IGF1R: variants seen among roughly 807,000 people sequenced by gnomAD.
The protein encoded by IGF1R is insulin like growth factor 1 receptor, also known as insulin-like growth factor 1 receptor.
IGF1R carries 44 observed loss-of-function variants against 144.6 expected under a neutral mutation model. The observed-to-expected ratio is 0.30, with a 90% CI of 0.24 to 0.39. The LOEUF is 0.39. IGF1R is among the 10% of genes least tolerant of loss of function. The pLI is 1.00. For missense variants in IGF1R, 1,355 were observed against 1,833.7 expected, an observed-to-expected ratio of 0.74 and a Z score of 4.77; for synonymous variants, 795 against 722.8, an observed-to-expected ratio of 1.10 and a Z score of -1.60.
chr15:98,929,021 A>T (rs1412280309), intron 13 of IGF1R, among the ~76,000 whole-genome samples: 1 of 152,170 alleles, frequency 6.6e-6, no homozygotes, highest in Non-Finnish European at 1.5e-5. Flanking sequence ...AAGAATTTCT[A>T]TTCATTTTAT....
chr15:98,718,549 C>T (rs1476531440), intron 2 of IGF1R, among the ~76,000 whole-genome samples: 1 of 152,182 alleles, frequency 6.6e-6, no homozygotes, highest in African/African-American at 2.4e-5. Context: ...GCTGGCCCAC[C>T]CTGAGCTGCT....
chr15:98,759,961 C>T (rs114666956), intron 2 of IGF1R, among the ~76,000 whole-genome samples: 1 of 152,186 alleles, frequency 6.6e-6, no homozygotes, highest in East Asian at 1.9e-4. Flanking sequence ...CAGACAGAGC[C>T]ACTGCCTTTG....
intron 2 of IGF1R, among the ~76,000 whole-genome samples, chr15:98,716,618 A>G (rs939848845): frequency 2.6e-5 from 4 of 152,180 alleles, no homozygotes; most frequent in Non-Finnish European, 5.9e-5. Context: ...GTCTTTGGAA[A>G]AGTAGCTCAC....
rs1255334974 is a variant in IGF1R at position 98,649,487 on chromosome 15, G to C, written c.-95G>C. 1.1e-6 allele frequency: 1 copy of C among 878,478 alleles called. No homozygotes were observed. The highest frequency in any genetic ancestry group is 1.8e-6 in the Non-Finnish European group (1 of 557,178). 54.4% of individuals were successfully genotyped at this position (878,478 alleles called of 1,614,324 possible). On this transcript the variant is annotated 5_prime_UTR_variant, in exon 1 of 21. Coordinates refer to ENST00000650285, the MANE Select transcript of IGF1R (RefSeq NM_000875.5). ...GAGGGGGAGCGAAGACTGAGTTTGA[G>C]ACTTGTTTCCTTTCATTTCCTTTTT...
chr15:98,863,844 T>A (rs1253366079), intron 2 of IGF1R, among the ~76,000 whole-genome samples: 3 of 152,230 alleles, frequency 2.0e-5, no homozygotes, highest in Admixed American at 2.0e-4. Context: ...GCCCAGATGC[T>A]TGAGATGGGT....
At chr15:98,668,851 G>A (rs28411710) in intron 1 of IGF1R, among the ~76,000 whole-genome samples, 1 of 152,074 alleles carries the variant, frequency 6.6e-6, no homozygotes, top group Non-Finnish European at 1.5e-5. Context: ...GAGTTGGAAG[G>A]GGCTGCCACA....
chr15:98,902,547 A>G (rs896005844), intron 5 of IGF1R, among the ~76,000 whole-genome samples: 16 of 149,538 alleles, frequency 1.1e-4, no homozygotes, highest in African/African-American at 4.0e-4. Flanking sequence ...CCTCCTGAAT[A>G]GCTGGGATTA....
In IGF1R at chr15:98,960,894, C is replaced by G. The variant is rs1322635379; in HGVS notation, c.*3452C>G. The G allele has an allele frequency of 4.3e-6, 1 of 233,424 alleles. No homozygotes were observed. Among genetic ancestry groups the G allele is most frequent in the African/African-American group, 2.2e-5 (1 of 45,064 alleles). 14.5% of individuals were successfully genotyped at this position (233,424 alleles called of 1,614,324 possible). On this transcript the variant is annotated 3_prime_UTR_variant, in exon 21 of 21. Coordinates refer to ENST00000650285, the MANE Select transcript of IGF1R (RefSeq NM_000875.5). ...AAGCCCAGTGGCCGGCGCCGAGGCT[C>G]GTGGCGTCACGCCCCCCCCGCCAGG... is the stretch of plus-strand genomic sequence containing the variant.
intron 2 of IGF1R, among the ~76,000 whole-genome samples, chr15:98,838,900 C>T (rs927120862): frequency 3.3e-5 from 5 of 152,196 alleles, no homozygotes; most frequent in East Asian, 1.9e-4. Context: ...CAGTGGGAGA[C>T]GTGGGGATCC....
rs10581900 is a variant in IGF1R at position 98,701,324 on chromosome 15, A to AT, written c.95-6208dup. On this transcript the variant is annotated intron_variant, in intron 1 of 20. Coordinates refer to ENST00000650285, the MANE Select transcript of IGF1R (RefSeq NM_000875.5). ...TCCAACTATAAGCTAAGCCTATCTC[A>AT]TTTTTTTTTTTTTTTTTTTTTTTTT... 2.6e-4 allele frequency among the ~76,000 whole-genome samples: 19 copies of AT among 72,998 alleles called. 2 individuals carry two copies. Among genetic ancestry groups the AT allele is most frequent in the African/African-American group, 8.2e-4 (13 of 15,898 alleles). 47.9% of individuals were successfully genotyped at this position (72,998 alleles called of 152,430 possible). A position where few individuals can be genotyped will look rare whatever the true frequency, so the allele number is the denominator to read the frequency against.
In IGF1R at chr15:98,868,327, CAAAA is replaced by C. The variant is rs55905905; in HGVS notation, c.641-22984_641-22981del. Among the ~76,000 whole-genome samples the C allele has an allele frequency of 4.6e-3, 229 of 49,872 alleles. 4 individuals carry two copies. Among genetic ancestry groups the C allele is most frequent in the African/African-American group, 0.015 (215 of 14,266 alleles). The allele number at this position is 49,872 out of a possible 152,430, so 32.7% of individuals were successfully genotyped here. On this transcript the variant is annotated intron_variant, in intron 2 of 20. Coordinates refer to ENST00000650285, the MANE Select transcript of IGF1R (RefSeq NM_000875.5). ...GGACAACAGAGTAAGACCTTGTCTC[CAAAA>C]AAAAAAAAAAAAAGCCAAATCTGTT...
chr15:98,651,258 A>T (rs2052358114), intron 1 of IGF1R, among the ~76,000 whole-genome samples: 1 of 152,202 alleles, frequency 6.6e-6, no homozygotes, highest in Admixed American at 6.5e-5. Flanking sequence ...CTGGTAAGAA[A>T]TGAGTCCGCG....
intron 2 of IGF1R, among the ~76,000 whole-genome samples, chr15:98,783,351 TTC>T (rs2055902588): frequency 6.6e-6 from 1 of 152,222 alleles, no homozygotes; most frequent in Admixed American, 6.5e-5. Context: ...AACTAACCTG[TTC>T]TCTCTATATA....
intron 18 of IGF1R, among the ~76,000 whole-genome samples, chr15:98,940,132 C>A (rs1412824329): frequency 6.6e-6 from 1 of 152,354 alleles, no homozygotes; most frequent in Non-Finnish European, 1.5e-5. Context: ...AACATCAGGG[C>A]TGCTCAGGAA....
chr15:98,870,599 G>A (rs976127596), intron 2 of IGF1R, among the ~76,000 whole-genome samples: 4 of 152,178 alleles, frequency 2.6e-5, no homozygotes, highest in Non-Finnish European at 5.9e-5. Flanking sequence ...GGAGAGAAAA[G>A]ATGTGCATGT....
At chr15:98,815,329 C>G (rs1196551652) in intron 2 of IGF1R, among the ~76,000 whole-genome samples, 2 of 152,196 alleles carry the variant, frequency 1.3e-5, no homozygotes, top group Non-Finnish European at 2.9e-5. Flanking sequence ...CTGGTGGTAA[C>G]AACCTCTTCC....
rs998916862 is a variant in IGF1R, at chr15:98,923,781, C to T, written c.2486-95C>T. 9.4e-5 allele frequency: 92 copies of T among 983,414 alleles called. 1 individual carries two copies. Among genetic ancestry groups the T allele is most frequent in the East Asian group, 6.0e-4 (25 of 41,912 alleles). 60.9% of individuals were successfully genotyped at this position (983,414 alleles called of 1,614,324 possible). On this transcript the variant is annotated intron_variant, in intron 11 of 20. Transcript: ENST00000650285. ...CGTGGCTGATCTCCACTGTCCTGCC[C>T]GTGTGGATGGGGGGGTTATTCTCAG...
At chr15:98,911,972 T>A (rs1022680682) in intron 7 of IGF1R, among the ~76,000 whole-genome samples, 2 of 152,206 alleles carry the variant, frequency 1.3e-5, no homozygotes, top group Non-Finnish European at 2.9e-5. Flanking sequence ...ACAACCTTCA[T>A]GTCTTGAGCC....
chr15:98,888,748 G>A (rs535072152), intron 2 of IGF1R, among the ~76,000 whole-genome samples: 13 of 152,180 alleles, frequency 8.5e-5, no homozygotes, highest in Non-Finnish European at 1.6e-4. Context: ...ACATGTCTCA[G>A]TTGGGATTAG....
Sources: allele counts gnomAD v4.1 joint callset (sites outside exome capture counted in the v4.1 genomes callset), GRCh38; gene constraint gnomAD v4.1.1; transcripts MANE v1.5; gene names NCBI Gene and HGNC (gene_info 2026-07-23, HGNC 2026-07-21).